Variants in CDK14 observed in about 807,000 individuals in gnomAD.
CDK14 encodes cyclin dependent kinase 14.
Under a neutral mutation model 60.7 loss-of-function variants are expected in CDK14, and 34 were observed. The observed-to-expected ratio is 0.56, with a 90% CI of 0.43 to 0.75. CDK14 has a LOEUF of 0.75. Ranked by LOEUF, CDK14 falls within the 30% of genes least tolerant of loss-of-function variation. The pLI, the probability that CDK14 is intolerant of heterozygous loss-of-function variation, is 0.00. For missense variants in CDK14, 482 were observed against 564.1 expected (o/e 0.85, Z 1.47); for synonymous variants, 197 against 203.7 (o/e 0.97, Z 0.28).
At chr7:90,611,327 ACCT>A (rs138873493) in intron 2 of CDK14, among the ~76,000 whole-genome samples, 70 of 151,926 alleles carry the variant, frequency 4.6e-4, no homozygotes, top group Admixed American at 2.4e-3. Context: ...TTCTATTCTA[ACCT>A]CCACATCCAG....
At chr7:90,807,026 A>T (rs1357465062) in intron 5 of CDK14, among the ~76,000 whole-genome samples, 1 of 152,048 alleles carries the variant, frequency 6.6e-6, no homozygotes, top group Admixed American at 6.6e-5. Context: ...GCCTCTGTAG[A>T]CTCCACCTCT....
intron 4 of CDK14, among the ~76,000 whole-genome samples, chr7:90,753,278 G>T (rs979957811): frequency 1.3e-5 from 2 of 152,138 alleles, no homozygotes; most frequent in African/African-American, 2.4e-5. Flanking sequence ...ACATCAAAAA[G>T]ATCATTCACC....
At chr7:91,093,186 T>C (rs905290672) in intron 12 of CDK14, among the ~76,000 whole-genome samples, 1 of 152,192 alleles carries the variant, frequency 6.6e-6, no homozygotes, top group Non-Finnish European at 1.5e-5. Flanking sequence ...TCACTCTATT[T>C]GGAAGTATTC....
intron 12 of CDK14, among the ~76,000 whole-genome samples, chr7:91,111,388 C>A (rs1422770718): frequency 6.6e-6 from 1 of 152,134 alleles, no homozygotes; most frequent in Non-Finnish European, 1.5e-5. Context: ...TAAAGAAATA[C>A]CTACTGGAAG....
Position 91,207,166 on chromosome 7 carries a change from A to T in CDK14, c.*30A>T, listed in dbSNP as rs1554453323. ...AATTTTCTATTTTCCTCCTTCCAGG[A>T]TTAAGTTGTCATCATTCTGGGAAGA... On this transcript the variant is annotated splice_region_variant and 3_prime_UTR_variant, in exon 15 of 15. Coordinates refer to ENST00000380050, the MANE Select transcript of CDK14 (RefSeq NM_001287135.2). 1 of 151,986 alleles carries T rather than the reference A, an allele frequency of 6.6e-6. No individual in the cohort carries two copies. Among genetic ancestry groups the T allele is most frequent in the Non-Finnish European group, 1.5e-5 (1 of 67,986 alleles). The allele number at this position is 151,986 out of a possible 1,614,324, so 9.4% of individuals were successfully genotyped here.
At chr7:91,097,703 G>A (rs1461228690) in intron 12 of CDK14, among the ~76,000 whole-genome samples, 3 of 152,154 alleles carry the variant, frequency 2.0e-5, no homozygotes, top group African/African-American at 7.2e-5. Context: ...TGTGACTGAG[G>A]CTACGTTGCT....
chr7:91,035,982 T>C (rs1289402211), intron 10 of CDK14, among the ~76,000 whole-genome samples: 1 of 152,044 alleles, frequency 6.6e-6, no homozygotes, highest in Non-Finnish European at 1.5e-5. Flanking sequence ...TAGCTGGGAC[T>C]ACAGGCGCCT....
At chr7:90,898,357 G>A (rs1051781675) in intron 6 of CDK14, among the ~76,000 whole-genome samples, 1 of 152,072 alleles carries the variant, frequency 6.6e-6, no homozygotes, top group Non-Finnish European at 1.5e-5. Context: ...AACCTAGCAT[G>A]CAATGAAAGC....
intron 10 of CDK14, among the ~76,000 whole-genome samples, chr7:90,994,321 T>C (rs1183436546): frequency 1.3e-5 from 2 of 152,208 alleles, no homozygotes; most frequent in African/African-American, 4.8e-5. Flanking sequence ...GACTTCCTTA[T>C]ATCATGGTGG....
intron 8 of CDK14, among the ~76,000 whole-genome samples, chr7:90,930,367 A>G (rs945199485): frequency 2.0e-5 from 3 of 152,156 alleles, no homozygotes; most frequent in African/African-American, 7.2e-5. Flanking sequence ...TCAGTTCCCT[A>G]CATTTTGTCA....
chr7:90,836,138 A>G lies in CDK14; in HGVS notation c.545-27037A>G, dbSNP rs894451925. Among the ~76,000 whole-genome samples, 4 of 152,162 alleles carry G rather than the reference A, an allele frequency of 2.6e-5. No homozygotes were observed. In the East Asian group the frequency reaches 5.8e-4, roughly 22 times the overall value. On this transcript the variant is annotated intron_variant, in intron 5 of 14. Transcript: ENST00000380050. ...CTGTAGACTTTATAAATACTGTATA[A>G]TTAGGCTACACTAAATTTATTTTAA...
intron 5 of CDK14, among the ~76,000 whole-genome samples, chr7:90,842,316 G>C (rs1037868391): frequency 6.6e-6 from 1 of 152,104 alleles, no homozygotes; most frequent in African/African-American, 2.4e-5. Flanking sequence ...AGTACAAAGT[G>C]CTGTGTCAGA....
intron 8 of CDK14, among the ~76,000 whole-genome samples, chr7:90,944,024 A>C (rs531272851): frequency 3.9e-5 from 6 of 152,282 alleles, no homozygotes; most frequent in Non-Finnish European, 8.8e-5. Context: ...AATAGTTACC[A>C]TGAGAGTGGA....
intron 2 of CDK14, among the ~76,000 whole-genome samples, chr7:90,615,834 A>G (rs1002387848): frequency 7.2e-5 from 11 of 152,178 alleles, no homozygotes; most frequent in African/African-American, 2.7e-4. Context: ...AGTGCTCTGT[A>G]AAGATTTTGG....
chr7:90,598,059 T>C (rs1235238473), intron 1 of CDK14, among the ~76,000 whole-genome samples: 2 of 152,204 alleles, frequency 1.3e-5, no homozygotes, highest in African/African-American at 2.4e-5. Context: ...TGTTGAGTCG[T>C]GTGCATTATT....
At chr7:90,966,020 G>GT (rs1794741656) in intron 9 of CDK14, among the ~76,000 whole-genome samples, 1 of 152,018 alleles carries the variant, frequency 6.6e-6, no homozygotes, top group Non-Finnish European at 1.5e-5. Flanking sequence ...TTGGTGCTGG[G>GT]TAAGTTTCCT....
At chr7:90,610,440 C>G (rs896722227) in intron 2 of CDK14, among the ~76,000 whole-genome samples, 1 of 152,216 alleles carries the variant, frequency 6.6e-6, no homozygotes, top group Non-Finnish European at 1.5e-5. Context: ...TTTTCACTCC[C>G]CCTAAGCCTT....
chr7:90,926,184 G>A lies in CDK14; in HGVS notation c.826+8460G>A, dbSNP rs141975024. The stretch of plus-strand genomic sequence containing the variant: ...TCCCCAAACATGTGAGAAGGTAGGA[G>A]TGCTAACTGGATGTTCAGGTCGAAG... On this transcript the variant is annotated intron_variant, in intron 8 of 14. Coordinates refer to ENST00000380050, the MANE Select transcript of CDK14 (RefSeq NM_001287135.2). 3.0e-3 allele frequency among the ~76,000 whole-genome samples: 462 copies of A among 152,258 alleles called. 4 individuals are homozygous for A. The highest frequency in any genetic ancestry group is 0.011 in the African/African-American group (440 of 41,542).
chr7:90,818,196 A>G lies in CDK14; in HGVS notation c.544+27544A>G, dbSNP rs137912123. ...CTAGCATAACTGTGAATGTGTTAGA[A>G]AACAATCAAAACTTGTCTGGCAATG... On this transcript the variant is annotated intron_variant, in intron 5 of 14. Coordinates refer to ENST00000380050, the MANE Select transcript of CDK14 (RefSeq NM_001287135.2). Among the ~76,000 whole-genome samples the G allele has an allele frequency of 2.7e-3, 405 of 152,360 alleles. 5 individuals carry two copies. Among genetic ancestry groups the G allele is most frequent in the African/African-American group, 9.2e-3 (384 of 41,588 alleles).
Sources: gnomAD v4.1 joint callset for allele counts (sites outside exome capture counted in the v4.1 genomes callset) on GRCh38, gnomAD v4.1.1 for gene constraint, MANE v1.5 for transcripts, NCBI Gene and HGNC (gene_info 2026-07-23, HGNC 2026-07-21) for gene names.